The following RANBP10 variants were observed in gnomAD, a reference collection of about 807,000 sequenced individuals.
The protein encoded by RANBP10 is RAN binding protein 10, also known as ran-binding protein 10.
In RANBP10, 24 loss-of-function variants were observed where a neutral mutation model predicts 72.8. The observed-to-expected ratio is 0.33, with a 90% CI of 0.24 to 0.46. The LOEUF (loss-of-function observed/expected upper bound fraction) is 0.46, where lower values mean the gene tolerates loss of function less well. Ranked by LOEUF, RANBP10 falls within the 20% of genes least tolerant of loss-of-function variation. RANBP10 has a pLI of 1.00. For synonymous variants in RANBP10, 310 were observed against 322.3 expected, an observed-to-expected ratio of 0.96 and a Z score of 0.41; for missense variants, 679 against 817.5, an observed-to-expected ratio of 0.83 and a Z score of 2.07.
chr16:67,762,847 A>G (rs1334330637), intron 3 of RANBP10, among the ~76,000 whole-genome samples: 1 of 152,210 alleles, frequency 6.6e-6, no homozygotes, highest in African/African-American at 2.4e-5. Flanking sequence ...TGTGCTCACT[A>G]TGGGGGAGTC....
chr16:67,760,603 CA>C (rs2054377916), intron 3 of RANBP10, among the ~76,000 whole-genome samples: 1 of 152,212 alleles, frequency 6.6e-6, no homozygotes, highest in African/African-American at 2.4e-5. Flanking sequence ...TGCCAGGCAC[CA>C]CATGTTTCAG....
chr16:67,803,051 A>G (rs562809274), intron 2 of RANBP10, among the ~76,000 whole-genome samples: 1 of 152,336 alleles, frequency 6.6e-6, no homozygotes, highest in Non-Finnish European at 1.5e-5. Context: ...ATGAGACTCC[A>G]GCACCACCAT....
chr16:67,766,583 T>C (rs2054506708), intron 3 of RANBP10, among the ~76,000 whole-genome samples: 1 of 152,188 alleles, frequency 6.6e-6, no homozygotes, highest in African/African-American at 2.4e-5. Flanking sequence ...AGCCATGTGA[T>C]ATACCAGCTC....
intron 10 of RANBP10, chr16:67,728,733 G>T: frequency 1.3e-6 from 1 of 789,416 alleles, no homozygotes; most frequent in Non-Finnish European, 2.0e-6. Flanking sequence ...TTGCCCCAGT[G>T]CTGCCTCTGT....
chr16:67,806,336 A>C lies in RANBP10; in HGVS notation c.201T>G (p.Gly67=), dbSNP rs930399199. ...GGACGCGGAGGTTGCCCTGGGAGAG[A>C]CCAATGTAGTTGTATTTGTCCTTGG... The part of the protein sequence containing the change: ...WSPKDKYNYI[G]LSQGNLRVHY... Residue 67 remains glycine, a synonymous_variant, in exon 1 of 14, where the codon GGT becomes GGG. Coordinates refer to ENST00000317506, the MANE Select transcript of RANBP10 (RefSeq NM_020850.3). 12 of 1,613,382 alleles carry C rather than the reference A, an allele frequency of 7.4e-6. No homozygotes were observed. The highest frequency in any genetic ancestry group is 1.0e-5 in the Non-Finnish European group (12 of 1,179,748).
chr16:67,783,738 C>A (rs1476912452), intron 2 of RANBP10, among the ~76,000 whole-genome samples: 1 of 152,066 alleles, frequency 6.6e-6, no homozygotes, highest in African/African-American at 2.4e-5. Context: ...GAACAGCAAT[C>A]AAAAAGCCAC....
chr16:67,749,172 A>C (rs1178854537), intron 3 of RANBP10, among the ~76,000 whole-genome samples: 2 of 152,188 alleles, frequency 1.3e-5, no homozygotes, highest in African/African-American at 4.8e-5. Context: ...GTGTGACTGG[A>C]GAGGTGACAC....
intron 4 of RANBP10, among the ~76,000 whole-genome samples, chr16:67,739,340 A>G (rs1045734467): frequency 2.8e-4 from 43 of 152,180 alleles, no homozygotes; most frequent in African/African-American, 1.0e-3. Context: ...TACAAAGGAG[A>G]AAAATAAGCC....
At chr16:67,746,555 G>A (rs1330233683) in intron 3 of RANBP10, among the ~76,000 whole-genome samples, 1 of 152,158 alleles carries the variant, frequency 6.6e-6, no homozygotes, top group Non-Finnish European at 1.5e-5. Flanking sequence ...GGAGGCTGAG[G>A]CAGGAGGATT....
chr16:67,728,451 G>A lies in RANBP10; in HGVS notation c.1413C>T (p.Ser471=). 3 of 1,614,154 alleles carry A rather than the reference G, an allele frequency of 1.9e-6. No homozygotes were observed. The highest frequency in any genetic ancestry group is 2.5e-6 in the Non-Finnish European group (3 of 1,180,024). ...HYPNGVLGSM[S]TRIVNGAYKH... is the part of the protein sequence containing the mutation. ...TGTAGGCACCATTAACAATGCGTGT[G>A]GACATGCTTCCTAGCACACCGTTGG... is the stretch of plus-strand genomic sequence containing the variant. Residue 471 remains serine, a synonymous_variant, in exon 11 of 14, where the codon TCC becomes TCT. Coordinates refer to ENST00000317506, the MANE Select transcript of RANBP10 (RefSeq NM_020850.3).
chr16:67,786,064 A>T (rs1045031304), intron 2 of RANBP10, among the ~76,000 whole-genome samples: 1 of 151,890 alleles, frequency 6.6e-6, no homozygotes, highest in Admixed American at 6.6e-5. Context: ...GGTAGCTCAC[A>T]TCTGTAATAC....
At chr16:67,776,410 T>G (rs559523606) in intron 2 of RANBP10, among the ~76,000 whole-genome samples, 24 of 127,182 alleles carry the variant, frequency 1.9e-4, no homozygotes, top group South Asian at 9.7e-4. Flanking sequence ...TGCTTTGAGC[T>G]GAGATCAGGC....
At chr16:67,800,652 C>T (rs924991180) in intron 2 of RANBP10, among the ~76,000 whole-genome samples, 3 of 152,158 alleles carry the variant, frequency 2.0e-5, no homozygotes, top group Non-Finnish European at 4.4e-5. Context: ...CCACCAGACC[C>T]GCTCCCCGAG....
chr16:67,788,414 G>A (rs956166522), intron 2 of RANBP10, among the ~76,000 whole-genome samples: 5 of 150,666 alleles, frequency 3.3e-5, no homozygotes, highest in African/African-American at 9.8e-5. Context: ...CACCATGCCC[G>A]GCTAATTTTT....
At chr16:67,787,236 CTCAATCAA>C (rs796853537) in intron 2 of RANBP10, among the ~76,000 whole-genome samples, 139 of 152,098 alleles carry the variant, frequency 9.1e-4, no homozygotes, top group African/African-American at 2.8e-3. Flanking sequence ...GAGACTCTAT[CTCAATCAA>C]TCAATCAATC....
At position 67,744,325 on chromosome 16, in the gene RANBP10, A is replaced by G. The variant is rs971881887; in HGVS notation, c.531T>C (p.Asn177=). 3 of 1,614,162 alleles carry G rather than the reference A, an allele frequency of 1.9e-6. No individual in the cohort carries two copies. Among genetic ancestry groups the G allele is most frequent in the Admixed American group, 3.3e-5 (2 of 60,012 alleles). Residue 177 remains asparagine (N), a synonymous_variant, in exon 4 of 14, where the codon AAT becomes AAC. Transcript: ENST00000317506. ...DVIGCCVNLI[N]GTCFYTKNGH... is the part of the protein sequence containing the mutation. ...CATTCTTGGTGTAGAAGCAGGTGCC[A>G]TTGATGAGGTTGACACAGCAGCCGA...
At chr16:67,768,482 G>C (rs1412674426) in intron 3 of RANBP10, among the ~76,000 whole-genome samples, 3 of 151,920 alleles carry the variant, frequency 2.0e-5, no homozygotes, top group Non-Finnish European at 4.4e-5. Flanking sequence ...GATCGTGCCA[G>C]TTCACTAAAG....
chr16:67,757,540 G>A (rs1211085374), intron 3 of RANBP10, among the ~76,000 whole-genome samples: 9 of 152,156 alleles, frequency 5.9e-5, no homozygotes, highest in African/African-American at 1.9e-4. Context: ...GGGACATCAT[G>A]GCAGGGCTGC....
At chr16:67,732,893 C>CA (rs1256859508) in intron 6 of RANBP10, among the ~76,000 whole-genome samples, 6 of 149,602 alleles carry the variant, frequency 4.0e-5, no homozygotes, top group Admixed American at 6.7e-5. Context: ...TAAAAAAATA[C>CA]AAAAAAAAAT....
Sources: gnomAD v4.1 joint callset for allele counts (sites outside exome capture counted in the v4.1 genomes callset) on GRCh38, gnomAD v4.1.1 for gene constraint, MANE v1.5 for transcripts, NCBI Gene and HGNC (gene_info 2026-07-23, HGNC 2026-07-21) for gene names.